Variants in UTRN observed in about 807,000 individuals in gnomAD.
UTRN encodes dystrophin-related protein 1.
Under a neutral mutation model 463.9 loss-of-function variants are expected in UTRN, and 283 were observed. The ratio of observed to expected loss-of-function variants is 0.61; its 90% CI spans 0.55 to 0.67. UTRN has a LOEUF of 0.67. Ranked by LOEUF, UTRN falls within the 30% of genes least tolerant of loss-of-function variation. The pLI is 0.00. For missense variants in UTRN, 3,922 were observed against 4,084.3 expected (o/e 0.96, Z 1.08); for synonymous variants, 1,442 against 1,431.5 (o/e 1.01, Z -0.17).
At chr6:144,663,565 C>T (rs1019973879) in intron 51 of UTRN, among the ~76,000 whole-genome samples, 10 of 152,092 alleles carry the variant, frequency 6.6e-5, no homozygotes, top group African/African-American at 2.2e-4. Flanking sequence ...AGCTCAGTGA[C>T]ATTTTGAGTG....
Position 144,651,920 on chromosome 6 carries a change from A to G in UTRN, c.7480-26486A>G, listed in dbSNP as rs146032942. 3.9e-3 allele frequency among the ~76,000 whole-genome samples: 588 copies of G among 152,196 alleles called. 3 individuals are homozygous for G. The highest frequency in any genetic ancestry group is 0.014 in the Middle Eastern group (4 of 294). ...GAAATTTTGGTGCACCCATCACCTG[A>G]GCAGTGTACACTGTATCCAATGTGT... On this transcript the variant is annotated intron_variant, in intron 51 of 74. Transcript: ENST00000367545.
At chr6:144,395,280 C>T (rs939890287) in intron 2 of UTRN, among the ~76,000 whole-genome samples, 2 of 152,096 alleles carry the variant, frequency 1.3e-5, no homozygotes, top group African/African-American at 2.4e-5. Context: ...AATCTTCACT[C>T]CAGGACAAAA....
At chr6:144,350,554 A>G (rs1778026358) in intron 2 of UTRN, among the ~76,000 whole-genome samples, 1 of 152,220 alleles carries the variant, frequency 6.6e-6, no homozygotes, top group Non-Finnish European at 1.5e-5. Flanking sequence ...TTAAATCGTC[A>G]TCTACAACAG....
At chr6:144,566,549 C>T (rs1298335661) in intron 50 of UTRN, among the ~76,000 whole-genome samples, 2 of 151,960 alleles carry the variant, frequency 1.3e-5, no homozygotes, top group Non-Finnish European at 2.9e-5. Context: ...TCTAATGTGT[C>T]CCTTTCTCTG....
At chr6:144,377,829 T>A (rs1780595389) in intron 2 of UTRN, among the ~76,000 whole-genome samples, 1 of 152,216 alleles carries the variant, frequency 6.6e-6, no homozygotes, top group African/African-American at 2.4e-5. Flanking sequence ...GGTTCTTCCA[T>A]CAGTGAGTCT....
At chr6:144,406,356 C>CTTTTT in intron 3 of UTRN, among the ~76,000 whole-genome samples, 241 of 125,512 alleles carry the variant, frequency 1.9e-3, no homozygotes, top group Admixed American at 2.9e-3. Context: ...TTTTTCTTTT[C>CTTTTT]TTTTTTTTTT....
At chr6:144,538,007 G>A (rs899088104) in intron 44 of UTRN, among the ~76,000 whole-genome samples, 1 of 152,068 alleles carries the variant, frequency 6.6e-6, no homozygotes, top group African/African-American at 2.4e-5. Context: ...ATACAATAGG[G>A]CTATGAAATA....
intron 63 of UTRN, 28 bp from the exon 64 acceptor site, chr6:144,797,796 A>G (rs747369314): frequency 5.0e-6 from 8 of 1,602,412 alleles, no homozygotes; most frequent in Non-Finnish European, 6.8e-6. Context: ...GCATTTCTTC[A>G]CTTTTAATAT....
At chr6:144,389,817 T>C (rs1781753203) in intron 2 of UTRN, among the ~76,000 whole-genome samples, 1 of 152,208 alleles carries the variant, frequency 6.6e-6, no homozygotes, top group African/African-American at 2.4e-5. Flanking sequence ...CAGGCTGGTC[T>C]TGAACTCCTG....
At chr6:144,824,364 G>GT (rs1447498119) in intron 66 of UTRN, among the ~76,000 whole-genome samples, 1 of 148,638 alleles carries the variant, frequency 6.7e-6, no homozygotes, top group Non-Finnish European at 1.5e-5. Flanking sequence ...CACTAAAAGG[G>GT]TCATTAAGTT....
chr6:144,511,430 A>G (rs1368171724), intron 35 of UTRN, among the ~76,000 whole-genome samples: 2 of 152,202 alleles, frequency 1.3e-5, no homozygotes, highest in Non-Finnish European at 2.9e-5. Context: ...TACTATCAGA[A>G]GCTATTTTTA....
chr6:144,444,237 C>G, intron 13 of UTRN, 44 bp from the exon 14 acceptor site: 1 of 1,476,546 alleles, frequency 6.8e-7, no homozygotes, highest in Non-Finnish European at 9.4e-7. Context: ...TGATAACTCT[C>G]TCTTAAGGCT....
intron 34 of UTRN, among the ~76,000 whole-genome samples, chr6:144,509,089 G>A (rs1472489230): frequency 6.6e-6 from 1 of 152,018 alleles, no homozygotes; most frequent in East Asian, 1.9e-4. Flanking sequence ...TGGAAATTTT[G>A]ATTTGAATTG....
chr6:144,340,161 C>A (rs966251325), intron 2 of UTRN, among the ~76,000 whole-genome samples: 1 of 151,996 alleles, frequency 6.6e-6, no homozygotes, highest in Non-Finnish European at 1.5e-5. Context: ...AACAAGACTG[C>A]GACTGCGTCT....
intron 57 of UTRN, among the ~76,000 whole-genome samples, chr6:144,757,203 A>C (rs1792086921): frequency 6.8e-6 from 1 of 146,314 alleles, no homozygotes; most frequent in Admixed American, 7.4e-5. Context: ...TAGGAATAAT[A>C]TATTTTTTAT....
At chr6:144,604,535 A>C (rs1220057710) in intron 51 of UTRN, among the ~76,000 whole-genome samples, 1 of 152,170 alleles carries the variant, frequency 6.6e-6, no homozygotes, top group South Asian at 2.1e-4. Flanking sequence ...ATCATGAAGA[A>C]GTTGTCTTTT....
intron 71 of UTRN, among the ~76,000 whole-genome samples, chr6:144,837,549 G>A (rs1277665935): frequency 6.6e-6 from 1 of 152,156 alleles, no homozygotes; most frequent in Non-Finnish European, 1.5e-5. Flanking sequence ...GTCATCTTTA[G>A]TCTTTTTCTC....
chr6:144,495,657 C>A (rs1793571665), intron 33 of UTRN, among the ~76,000 whole-genome samples: 1 of 152,228 alleles, frequency 6.6e-6, no homozygotes. Flanking sequence ...AGAGGAGGCG[C>A]CGAGAGCGAG....
At chr6:144,418,080 T>TA (rs1784501298) in intron 3 of UTRN, among the ~76,000 whole-genome samples, 1 of 152,154 alleles carries the variant, frequency 6.6e-6, no homozygotes, top group Non-Finnish European at 1.5e-5. Flanking sequence ...CATCTTAGTT[T>TA]AACAGGTAAA....
Sources: allele counts gnomAD v4.1 joint callset (sites outside exome capture counted in the v4.1 genomes callset), GRCh38; gene constraint gnomAD v4.1.1; transcripts MANE v1.5; gene names NCBI Gene and HGNC (gene_info 2026-07-23, HGNC 2026-07-21).